Variants in NT5C1B observed in about 807,000 individuals in gnomAD.
NT5C1B encodes the protein 5'-nucleotidase, cytosolic IB.
A neutral mutation model predicts 57.8 loss-of-function variants in NT5C1B; 44 were observed. That is an observed-to-expected ratio of 0.76 (90% CI 0.60 to 0.98). The LOEUF (loss-of-function observed/expected upper bound fraction) is 0.98, where lower values mean the gene tolerates loss of function less well. NT5C1B is among the 50% of genes least tolerant of loss of function. NT5C1B has a pLI of 0.00. For missense variants in NT5C1B, 742 were observed against 719.5 expected (o/e 1.03, Z -0.36); for synonymous variants, 284 against 282.6 (o/e 1.00, Z -0.05).
exon 3 of NT5C1B, chr2:18,586,359 G>A (rs891376825): frequency 3.1e-6 from 5 of 1,614,154 alleles, no homozygotes; most frequent in Admixed American, 3.3e-5. Context: ...ACCCTCGAGA[G>A]TCTGTCTTCC....
intron 1 of NT5C1B, 132 bp from the exon 2 acceptor site, chr2:18,587,724 A>T: frequency 1.0e-6 from 1 of 966,130 alleles, no homozygotes; most frequent in Non-Finnish European, 1.5e-6. Flanking sequence ...TAAACTCTAG[A>T]CCTTAGTTTC....
At position 18,584,636 on chromosome 2, in the gene NT5C1B, G is replaced by A; in HGVS notation, c.601C>T (p.Arg201Cys). Residue 201 changes from arginine to cysteine, a missense_variant, in exon 4 of 9, where the codon CGC becomes TGC. By Grantham distance (180) the Arg-to-Cys change is radical (BLOSUM62 -3). Coordinates refer to ENST00000304081, the Ensembl canonical transcript of NT5C1B. The surrounding 1 kb of genome is among the most constrained non-coding windows in gnomAD (Gnocchi z 5.8). ...TGCTGCTGCTCGGACAGAGAGTTGCGGTCCAGCTGGGTGGAGGCGGGGTAG... is the reference window on the plus strand; with the variant it reads ...TGCTGCTGCTCGGACAGAGAGTTGCAGTCCAGCTGGGTGGAGGCGGGGTAG... 6.2e-7 allele frequency: 1 copy of A among 1,612,932 alleles called. No individual in the cohort carries two copies. Among genetic ancestry groups the A allele is most frequent in the East Asian group, 2.2e-5 (1 of 44,820 alleles).
At chr2:18,563,031 A>G (rs1029042284) in exon 9 of NT5C1B, 1 of 151,528 alleles carries the variant, frequency 6.6e-6, no homozygotes, top group African/African-American at 2.4e-5. Context: ...AGGATACTAC[A>G]CTTCATGTCA....
Position 18,584,901 on chromosome 2 carries a change from G to C in NT5C1B, c.336C>G (p.Ser112=). 12 of 1,561,570 alleles carry C rather than the reference G, an allele frequency of 7.7e-6. No individual in the cohort carries two copies. Among genetic ancestry groups the C allele is most frequent in the Non-Finnish European group, 1.0e-5 (12 of 1,159,574 alleles). The change falls in exon 4 of 9, where the codon TCC becomes TCG. Residue 112 remains serine (S), a synonymous_variant. Transcript: ENST00000304081. This position sits in a 1 kb window ranked among gnomAD's most constrained non-coding sequence, Gnocchi z 5.8. ...CGGGTGGCTGGAGCGAGGGCTGCCCGGACAGCGGCGGCGGTGAGGAGTCAT... is the reference window on the plus strand; with the variant it reads ...CGGGTGGCTGGAGCGAGGGCTGCCCCGACAGCGGCGGCGGTGAGGAGTCAT...
Position 18,583,014 on chromosome 2 carries a change from TG to T in NT5C1B, c.892-18del. On this transcript the variant is annotated intron_variant, in intron 5 of 8. Transcript: ENST00000304081. Reference sequence around the variant, plus strand: ...CTGTAGTGCCTGCAGGTTACAAACATGAATGTGTGTAAAGAGGGGCAGGCAG... The same window carrying T: ...CTGTAGTGCCTGCAGGTTACAAACATAATGTGTGTAAAGAGGGGCAGGCAG... The T allele has an allele frequency of 6.2e-7, 1 of 1,610,642 alleles. No homozygotes were observed. The highest frequency in any genetic ancestry group is 8.5e-7 in the Non-Finnish European group (1 of 1,178,330).
chr2:18,579,456 A>C (rs1665989237), intron 6 of NT5C1B, among the ~76,000 whole-genome samples: 1 of 152,216 alleles, frequency 6.6e-6, no homozygotes, highest in Admixed American at 6.5e-5. Flanking sequence ...AGACCAATGG[A>C]ACAGGTTAGA....
intron 1 of NT5C1B, 120 bp downstream of exon 1, chr2:18,589,319 C>T: frequency 9.5e-6 from 13 of 1,369,490 alleles, no homozygotes; most frequent in Non-Finnish European, 1.3e-5. Flanking sequence ...TTTTCCTCTA[C>T]CTGAAGCCAT....
chr2:18,565,799 T>C (rs762086058), intron 8 of NT5C1B, among the ~76,000 whole-genome samples: 1 of 152,196 alleles, frequency 6.6e-6, no homozygotes, highest in Non-Finnish European at 1.5e-5. Flanking sequence ...TTTGCATCTT[T>C]ATATTTAACA....
At chr2:18,582,019 A>G (rs944413958) in intron 6 of NT5C1B, among the ~76,000 whole-genome samples, 6 of 152,200 alleles carry the variant, frequency 3.9e-5, no homozygotes, top group African/African-American at 9.7e-5. Flanking sequence ...TACTAAATCA[A>G]TTAAGGCTAT....
At chr2:18,575,482 C>A (rs1177432826) in intron 8 of NT5C1B, among the ~76,000 whole-genome samples, 2 of 152,150 alleles carry the variant, frequency 1.3e-5, no homozygotes, top group East Asian at 3.9e-4. Context: ...AATTAAATTT[C>A]TTGGGAAAAT....
At chr2:18,586,815 G>C in intron 2 of NT5C1B, 2 of 1,138,230 alleles carry the variant, frequency 1.8e-6, no homozygotes, top group Non-Finnish European at 2.4e-6. Context: ...GAGGTTGCAG[G>C]GGGACTCTAA....
At chr2:18,577,159 A>G (rs926483966) in intron 6 of NT5C1B, among the ~76,000 whole-genome samples, 6 of 152,162 alleles carry the variant, frequency 3.9e-5, no homozygotes, top group African/African-American at 1.4e-4. Flanking sequence ...CACATAGATC[A>G]TGCCATTTTA....
intron 8 of NT5C1B, among the ~76,000 whole-genome samples, chr2:18,566,246 G>A (rs904023348): frequency 6.6e-6 from 1 of 152,016 alleles, no homozygotes; most frequent in African/African-American, 2.4e-5. Context: ...TTTTTCTTGG[G>A]ATAATTGGTG....
chr2:18,566,274 CA>C (rs1664633419), intron 8 of NT5C1B, among the ~76,000 whole-genome samples: 1 of 152,016 alleles, frequency 6.6e-6, no homozygotes, highest in African/African-American at 2.4e-5. Context: ...AGGGGAAGGT[CA>C]AGGGTAGTAT....
At chr2:18,568,468 A>G (rs1342601093) in intron 8 of NT5C1B, among the ~76,000 whole-genome samples, 1 of 139,164 alleles carries the variant, frequency 7.2e-6, no homozygotes, top group East Asian at 2.2e-4. Context: ...GGCAGAAGGA[A>G]TATGATAACA....
chr2:18,574,328 A>G (rs1261273643), intron 8 of NT5C1B, among the ~76,000 whole-genome samples: 3 of 152,110 alleles, frequency 2.0e-5, no homozygotes, highest in Non-Finnish European at 4.4e-5. Flanking sequence ...CAAAGATACC[A>G]AATGCTGGGG....
In NT5C1B at chr2:18,583,916, GTCT is replaced by G. The variant is rs1666412436; in HGVS notation, c.891+169_891+171del. 7 of 1,125,320 alleles carry G rather than the reference GTCT, an allele frequency of 6.2e-6. No homozygotes were observed. In the South Asian group the frequency reaches 9.2e-5, roughly 15 times the overall value. The allele number at this position is 1,125,320 out of a possible 1,614,324, so 69.7% of individuals were successfully genotyped here. A position where few individuals can be genotyped will look rare whatever the true frequency, so the allele number is the denominator to read the frequency against. ...GTGGGCTGGAGTCCCTTCCTCCACAGTCTGGAAGCCTGTGCGAAATCATAAACT... is the reference window on the plus strand; with the variant it reads ...GTGGGCTGGAGTCCCTTCCTCCACAGGGAAGCCTGTGCGAAATCATAAACT... On this transcript the variant is annotated intron_variant, in intron 5 of 8. Coordinates refer to ENST00000304081, the Ensembl canonical transcript of NT5C1B.
exon 9 of NT5C1B, chr2:18,563,714 A>G: frequency 7.3e-7 from 1 of 1,362,834 alleles, no homozygotes; most frequent in South Asian, 2.0e-5. Context: ...TTTCTGAAAT[A>G]CCTATCTAAT....
chr2:18,563,695 A>G, exon 9 of NT5C1B: 1 of 1,294,554 alleles, frequency 7.7e-7, no homozygotes, highest in Non-Finnish European at 1.0e-6. Flanking sequence ...CAAAGTTTTA[A>G]GGTCCAATTT....
Sources: allele counts gnomAD v4.1 joint callset (sites outside exome capture counted in the v4.1 genomes callset), GRCh38; gene constraint gnomAD v4.1.1; non-coding constraint Gnocchi (gnomAD v3.1); transcripts MANE v1.5; gene names NCBI Gene and HGNC (gene_info 2026-07-23, HGNC 2026-07-21).